The following ARL17A variants were observed in gnomAD, a reference collection of about 807,000 sequenced individuals.
ARL17A encodes ARF like GTPase 17A, also known as ADP-ribosylation factor-like 17-like.
the ARL17A span, chr17:46,504,509 C>T: frequency 7.2e-5 from 1 of 13,968 alleles, no homozygotes; most frequent in African/African-American, 7.8e-4. Flanking sequence ...AATGAAGAGA[C>T]CATGGTGCCA....
chr17:46,560,621 A>C (rs1598606122), intron 3 of ARL17A: 1 of 43,054 alleles, frequency 2.3e-5, no homozygotes, highest in African/African-American at 1.1e-4. Context: ...TCAAGGCTCG[A>C]GTGCAGTGGT....
downstream of ARL17A, chr17:46,549,039 T>C (rs2056516571): frequency 6.2e-7 from 1 of 1,612,194 alleles, no homozygotes; most frequent in Non-Finnish European, 8.5e-7. Context: ...CAATCGTACA[T>C]GCCAGAAAAA....
At chr17:46,551,082 G>A (rs528756529), downstream of ARL17A, among the ~76,000 whole-genome samples, 2 of 150,088 alleles carry the variant, frequency 1.3e-5, no homozygotes, top group African/African-American at 5.1e-5. Flanking sequence ...TCACTGGTGA[G>A]GGGGAACGTC....
At chr17:46,502,396 T>C in the ARL17A span, among the ~76,000 whole-genome samples, 16 of 151,260 alleles carry the variant, frequency 1.1e-4, 1 homozygote, top group East Asian at 1.4e-3. Flanking sequence ...CTGCAATCTC[T>C]GCCTCCCAGA....
chr17:46,541,613 A>C lies in ARL17A; in HGVS notation c.260-3187T>G, dbSNP rs1283254342. 4.6e-5 allele frequency among the ~76,000 whole-genome samples: 7 copies of C among 150,906 alleles called. 1 individual carries two copies. Among genetic ancestry groups the C allele is most frequent in the African/African-American group, 1.5e-4 (6 of 40,262 alleles). On this transcript the variant is annotated intron_variant, in intron 3 of 4. Transcript: ENST00000329240. ...TCCATGTTGTTGCACCTATCACTAC[A>C]GCTGGCCCTCCATATCTGCAGGTTC...
chr17:46,534,205 T>TTTTTTA (rs2054201433), intron 4 of ARL17A, among the ~76,000 whole-genome samples: 2 of 149,066 alleles, frequency 1.3e-5, no homozygotes, highest in African/African-American at 2.6e-5. Flanking sequence ...TTGTTTTTTT[T>TTTTTTA]AATTTTTTTT....
intron 3 of ARL17A, among the ~76,000 whole-genome samples, chr17:46,569,490 CTCTG>C (rs1263913483): frequency 6.2e-5 from 9 of 146,036 alleles, no homozygotes; most frequent in South Asian, 4.2e-4. Context: ...ATGTTATCCT[CTCTG>C]TCTTTGTATT....
At chr17:46,529,770 GTC>G (rs1170329244) in intron 4 of ARL17A, among the ~76,000 whole-genome samples, 1 of 101,416 alleles carries the variant, frequency 9.9e-6, no homozygotes, top group Non-Finnish European at 2.2e-5. Flanking sequence ...TTCCCACTCA[GTC>G]TCTCCATGGC....
chr17:46,547,837 C>T, downstream of ARL17A: 1 of 6,570 alleles, frequency 1.5e-4, no homozygotes, highest in Non-Finnish European at 2.9e-4. Flanking sequence ...CCCTGCTCCT[C>T]TCAGAGGACC....
chr17:46,548,649 C>T, downstream of ARL17A: 1 of 1,605,184 alleles, frequency 6.2e-7, no homozygotes, highest in Non-Finnish European at 8.5e-7. Context: ...TCCTCATGGG[C>T]CCAAGGAGCA....
chr17:46,501,752 G>T, the ARL17A span, among the ~76,000 whole-genome samples: 5 of 151,222 alleles, frequency 3.3e-5, no homozygotes, highest in Non-Finnish European at 7.3e-5. Flanking sequence ...TTCAAGGACC[G>T]ATTTCAATTC....
intron 3 of ARL17A, among the ~76,000 whole-genome samples, chr17:46,568,944 T>C (rs1195800284): frequency 2.3e-4 from 8 of 35,520 alleles, no homozygotes; most frequent in African/African-American, 3.4e-4. Flanking sequence ...TTTTTTCTCT[T>C]TTTTTTTTTT....
intron 3 of ARL17A, among the ~76,000 whole-genome samples, chr17:46,539,677 A>T (rs2054917576): frequency 1.6e-5 from 2 of 123,544 alleles, no homozygotes; most frequent in Admixed American, 9.3e-5. Flanking sequence ...GCAGAACAGG[A>T]GAATCACTTG....
chr17:46,527,404 G>T (rs2052916056), downstream of ARL17A, among the ~76,000 whole-genome samples: 1 of 79,070 alleles, frequency 1.3e-5, no homozygotes, highest in Non-Finnish European at 2.9e-5. Flanking sequence ...ATCATGTTTT[G>T]GTATGTACTG....
the ARL17A span, among the ~76,000 whole-genome samples, chr17:46,504,941 TTAAC>T: frequency 3.0e-4 from 33 of 109,964 alleles, 3 homozygotes; most frequent in Admixed American, 1.5e-3. Context: ...GATTTATTAA[TTAAC>T]TAATTTTGAG....
At chr17:46,525,612 A>ATAG, downstream of ARL17A, among the ~76,000 whole-genome samples, 1 of 118,918 alleles carries the variant, frequency 8.4e-6, no homozygotes, top group East Asian at 2.4e-4. Context: ...TATAATAATA[A>ATAG]TAATCATCAT....
At chr17:46,543,724 A>G (rs2096269899) in intron 3 of ARL17A, among the ~76,000 whole-genome samples, 1 of 150,990 alleles carries the variant, frequency 6.6e-6, no homozygotes, top group Admixed American at 6.6e-5. Context: ...ATTCCAGATG[A>G]AAGTTATACA....
exon 4 of ARL17A, chr17:46,517,222 A>G (rs2051507599): frequency 1.3e-6 from 1 of 797,558 alleles, no homozygotes; most frequent in Admixed American, 2.6e-5. Flanking sequence ...GCAAACTGGG[A>G]AGCTGATAGC....
At chr17:46,543,666 G>A (rs534271504) in intron 3 of ARL17A, among the ~76,000 whole-genome samples, 1 of 150,916 alleles carries the variant, frequency 6.6e-6, no homozygotes, top group Admixed American at 6.6e-5. Context: ...AAAATGTATA[G>A]ACATACACAC....
Sources: gnomAD v4.1 joint callset for allele counts (sites outside exome capture counted in the v4.1 genomes callset) on GRCh38, gnomAD v4.1.1 for gene constraint, MANE v1.5 for transcripts, NCBI Gene and HGNC (gene_info 2026-07-23, HGNC 2026-07-21) for gene names.